RHOBTB2: variants seen among roughly 807,000 people sequenced by gnomAD.
The protein encoded by RHOBTB2 is Rho related BTB domain containing 2.
Under a neutral mutation model 66.5 loss-of-function variants are expected in RHOBTB2, and 39 were observed. That is an observed-to-expected ratio of 0.59 (90% CI 0.45 to 0.77). RHOBTB2 has a LOEUF of 0.77. RHOBTB2 is among the 30% of genes least tolerant of loss of function. The pLI is 0.00. For missense variants in RHOBTB2, 755 were observed against 999.1 expected, an observed-to-expected ratio of 0.76 and a Z score of 3.29; for synonymous variants, 390 against 395.0, an observed-to-expected ratio of 0.99 and a Z score of 0.15.
upstream of RHOBTB2, among the ~76,000 whole-genome samples, chr8:22,995,443 C>G (rs145200945): frequency 3.9e-5 from 6 of 152,310 alleles, no homozygotes; most frequent in Non-Finnish European, 8.8e-5. Context: ...TACACTTTGT[C>G]AAGTGTAAGA....
chr8:22,955,799 G>T, the RHOBTB2 span, among the ~76,000 whole-genome samples: 93,224 of 151,782 alleles, frequency 0.61, 28,885 homozygotes, highest in African/African-American at 0.69. Flanking sequence ...CAAACTCCTG[G>T]GTTCAATCAG....
chr8:22,968,600 T>C, the RHOBTB2 span, among the ~76,000 whole-genome samples: 2 of 152,020 alleles, frequency 1.3e-5, no homozygotes, highest in Non-Finnish European at 2.9e-5. Flanking sequence ...GGGGAGAATA[T>C]TATGCCTTAT....
upstream of RHOBTB2, among the ~76,000 whole-genome samples, chr8:22,983,793 G>A (rs1810249820): frequency 6.6e-6 from 1 of 151,792 alleles, no homozygotes; most frequent in Non-Finnish European, 1.5e-5. Flanking sequence ...GGAGTGCAGT[G>A]GCGCCATCTT....
chr8:23,007,362 G>A lies in RHOBTB2; in HGVS notation c.1117G>A (p.Gly373Ser). The change falls in exon 5 of 10, where the codon GGC becomes AGC. Residue 373 changes from glycine (G) to serine (S), a missense_variant. This residue lies in a region of RHOBTB2 where 247 missense variants were observed against 238.9 expected (regional missense o/e 1.03). Transcript: ENST00000251822. Reference sequence around the variant, plus strand: ...TTCCACCAGCGACGGGATCTTACGGGGCAACGGAACAGGGTACCTACCGGG... The same window carrying A: ...TTCCACCAGCGACGGGATCTTACGGAGCAACGGAACAGGGTACCTACCGGG... ...RASTSDGILR[G>S]NGTGYLPGRG... 6.2e-7 allele frequency: 1 copy of A among 1,613,884 alleles called. No homozygotes were observed. The highest frequency in any genetic ancestry group is 8.5e-7 in the Non-Finnish European group (1 of 1,179,874).
At chr8:23,007,934 T>C (rs1268167933) in intron 5 of RHOBTB2, 59 bp from the exon 6 acceptor site, 6 of 1,554,350 alleles carry the variant, frequency 3.9e-6, no homozygotes, top group African/African-American at 1.4e-5. Context: ...GTGGCTCCCC[T>C]TGGGGCTTGT....
At chr8:22,953,163 G>A in the RHOBTB2 span, among the ~76,000 whole-genome samples, 5 of 152,182 alleles carry the variant, frequency 3.3e-5, no homozygotes, top group African/African-American at 1.2e-4. Context: ...GTGCTCATTT[G>A]AGGCACTTTT....
chr8:22,995,819 A>T, upstream of RHOBTB2: 1 of 1,549,952 alleles, frequency 6.5e-7, no homozygotes, highest in Non-Finnish European at 8.7e-7. Context: ...TCATGTCACA[A>T]GGCCCATGGG....
chr8:23,009,499 C>T (rs1034304000), intron 6 of RHOBTB2, among the ~76,000 whole-genome samples: 6 of 152,154 alleles, frequency 3.9e-5, no homozygotes, highest in Admixed American at 2.6e-4. Flanking sequence ...TTTGTGCAGG[C>T]GCGTGGAGTT....
upstream of RHOBTB2, among the ~76,000 whole-genome samples, chr8:22,996,526 TGTGTGTGTG>T (rs1191801169): frequency 1.6e-5 from 2 of 128,688 alleles, no homozygotes; most frequent in Non-Finnish European, 1.7e-5. Context: ...TGTGTGTGTG[TGTGTGTGTG>T]TGTGTGTGTG....
At chr8:23,003,992 G>A (rs973524264) in intron 1 of RHOBTB2, 1 of 269,172 alleles carries the variant, frequency 3.7e-6, no homozygotes. Flanking sequence ...GCTGGGAAGG[G>A]GTGGGGACGT....
the RHOBTB2 span, among the ~76,000 whole-genome samples, chr8:22,962,688 T>C: frequency 6.6e-6 from 1 of 152,010 alleles, no homozygotes; most frequent in Non-Finnish European, 1.5e-5. Flanking sequence ...AATAAAAGGA[T>C]AGTTTTGGTG....
chr8:23,001,142 G>A (rs1810766496), intron 1 of RHOBTB2, among the ~76,000 whole-genome samples: 1 of 152,280 alleles, frequency 6.6e-6, no homozygotes, highest in Admixed American at 6.5e-5. Flanking sequence ...CATGGGACAG[G>A]GATGGAAGGA....
chr8:22,999,316 G>A (rs1465463680), upstream of RHOBTB2, among the ~76,000 whole-genome samples: 1 of 152,180 alleles, frequency 6.6e-6, no homozygotes, highest in Non-Finnish European at 1.5e-5. Flanking sequence ...GGAAAACCCC[G>A]TGGGCGTCCG....
chr8:22,957,858 A>C, the RHOBTB2 span, among the ~76,000 whole-genome samples: 2 of 152,150 alleles, frequency 1.3e-5, no homozygotes, highest in East Asian at 3.9e-4. Flanking sequence ...AATTTGTGTA[A>C]TCAAAATGGG....
chr8:23,004,245 C>T lies in RHOBTB2; in HGVS notation c.-10-180C>T, dbSNP rs1424495006. ...CTGCTCCTCTCAGCCTGAATGGGCT[C>T]CTGGCCCCTTGGACCCTCGCAGAGC... is the stretch of plus-strand genomic sequence containing the variant. On this transcript the variant is annotated intron_variant, in intron 1 of 9. Coordinates refer to ENST00000251822, the MANE Select transcript of RHOBTB2 (RefSeq NM_015178.3). The surrounding 1 kb of genome is among the most constrained non-coding windows in gnomAD (Gnocchi z 6.4). 6 of 623,162 alleles carry T rather than the reference C, an allele frequency of 9.6e-6. No individual in the cohort carries two copies. The highest frequency in any genetic ancestry group is 2.8e-5 in the East Asian group (1 of 36,136). The allele number at this position is 623,162 out of a possible 1,614,324, so 38.6% of individuals were successfully genotyped here. A position where few individuals can be genotyped will look rare whatever the true frequency, so the allele number is the denominator to read the frequency against.
At position 23,007,064 on chromosome 8, in the gene RHOBTB2, G is replaced by A. The variant is rs1810981051; in HGVS notation, c.819G>A (p.Gln273=). The A allele has an allele frequency of 6.2e-7, 1 of 1,610,544 alleles. No individual in the cohort carries two copies. Among genetic ancestry groups the A allele is most frequent in the African/African-American group, 1.3e-5 (1 of 74,924 alleles). The change falls in exon 5 of 10, where the codon CAG becomes CAA. Residue 273 remains glutamine (Q), a synonymous_variant. Transcript: ENST00000251822. ...GCGCGGACGTCATCCTGGTGCTGCA[G>A]GAGCGGGTGCGCATCTTTGCCCACA... ...PLCADVILVL[Q]ERVRIFAHKI...
At chr8:23,002,392 G>T (rs567464690) in intron 1 of RHOBTB2, among the ~76,000 whole-genome samples, 1 of 152,298 alleles carries the variant, frequency 6.6e-6, no homozygotes, top group Non-Finnish European at 1.5e-5. Context: ...TAGAATAACA[G>T]TTCTTAACAG....
intron 8 of RHOBTB2, among the ~76,000 whole-genome samples, chr8:23,015,018 G>A (rs1393775721): frequency 1.3e-5 from 2 of 152,122 alleles, no homozygotes; most frequent in Non-Finnish European, 2.9e-5. Context: ...GCAGCAGTAG[G>A]GCTGGGGAGG....
the RHOBTB2 span, among the ~76,000 whole-genome samples, chr8:22,951,625 C>A: frequency 6.6e-6 from 1 of 152,124 alleles, no homozygotes; most frequent in Non-Finnish European, 1.5e-5. Context: ...ACCTTCTTAA[C>A]AGTGGGGGAG....
Sources: allele counts gnomAD v4.1 joint callset (sites outside exome capture counted in the v4.1 genomes callset), GRCh38; gene constraint gnomAD v4.1.1; regional missense constraint gnomAD v4.1.1; non-coding constraint Gnocchi (gnomAD v3.1); transcripts MANE v1.5; gene names NCBI Gene and HGNC (gene_info 2026-07-23, HGNC 2026-07-21).